The following DDI2 variants were observed in gnomAD, a reference collection of about 807,000 sequenced individuals.
DDI2 encodes the protein DDI proteasomal shuttling factor 2.
DDI2 carries 5 observed loss-of-function variants against 48.1 expected under a neutral mutation model. The observed-to-expected ratio is 0.10, with a 90% CI of 0.05 to 0.22. DDI2 has a LOEUF of 0.22. Ranked by LOEUF, DDI2 falls within the 10% of genes least tolerant of loss-of-function variation. The pLI is 1.00. For missense variants in DDI2, 285 were observed against 506.2 expected (o/e 0.56, Z 4.19); for synonymous variants, 205 against 183.6 (o/e 1.12, Z -0.94).
Position 15,661,683 on chromosome 1 carries a change from T to A in DDI2, c.*1893T>A. Reference sequence around the variant, plus strand: ...TTGGTGGGAATGCAGACCTTGCACTTCTTGTTTTGCTCGCAAAAAACATCG... The same window carrying A: ...TTGGTGGGAATGCAGACCTTGCACTACTTGTTTTGCTCGCAAAAAACATCG... On this transcript the variant is annotated 3_prime_UTR_variant, in exon 10 of 10. Transcript: ENST00000480945. 1 of 1,613,160 alleles carries A rather than the reference T, an allele frequency of 6.2e-7. No homozygotes were observed. Among genetic ancestry groups the A allele is most frequent in the Non-Finnish European group, 8.5e-7 (1 of 1,179,336 alleles).
Position 15,661,713 on chromosome 1 carries a change from T to C in DDI2, c.*1923T>C, listed in dbSNP as rs2148309405. 1.9e-6 allele frequency: 3 copies of C among 1,609,202 alleles called. No homozygotes were observed. The highest frequency in any genetic ancestry group is 2.5e-6 in the Non-Finnish European group (3 of 1,176,900). Reference sequence around the variant, plus strand: ...TTTTGCTCGCAAAAAACATCGTAGTTCCTACATGACTGTGGGAAAGTGGGC... The same window carrying C: ...TTTTGCTCGCAAAAAACATCGTAGTCCCTACATGACTGTGGGAAAGTGGGC... On this transcript the variant is annotated 3_prime_UTR_variant, in exon 10 of 10. Transcript: ENST00000480945.
rs1194708682 is a variant in DDI2 at position 15,660,741 on chromosome 1, A to G, written c.*951A>G. On this transcript the variant is annotated 3_prime_UTR_variant, in exon 10 of 10. Transcript: ENST00000480945. ...ATAATCCCTTGATGGAAGTAGAAAC[A>G]TCAAAATGTAACCCTTCATCTGAAA... The G allele has an allele frequency of 8.1e-6, 13 of 1,613,784 alleles. No homozygotes were observed. The highest frequency in any genetic ancestry group is 1.1e-5 in the Non-Finnish European group (13 of 1,179,962).
chr1:15,617,656 G>A lies in DDI2; in HGVS notation c.-15G>A. 1 of 1,429,816 alleles carries A rather than the reference G, an allele frequency of 7.0e-7. No homozygotes were observed. The highest frequency in any genetic ancestry group is 9.3e-7 in the Non-Finnish European group (1 of 1,078,992). The allele number at this position is 1,429,816 out of a possible 1,614,324, so 88.6% of individuals were successfully genotyped here. On this transcript the variant is annotated 5_prime_UTR_variant, in exon 1 of 10. Coordinates refer to ENST00000480945, the MANE Select transcript of DDI2 (RefSeq NM_032341.5). ...GGCCGGGCCGAGCCGAGCCGAGCCGGGTCGGGCCCGGGCCATGCTGCTCAC... is the reference window on the plus strand; with the variant it reads ...GGCCGGGCCGAGCCGAGCCGAGCCGAGTCGGGCCCGGGCCATGCTGCTCAC...
In DDI2 at chr1:15,661,842, A is replaced by T; in HGVS notation, c.*2052A>T. ...AGTATATATAGAAACCTGCAAGCAG[A>T]ATGTTGAGCCAGATTTTTTTTAAAG... On this transcript the variant is annotated 3_prime_UTR_variant, in exon 10 of 10. Coordinates refer to ENST00000480945, the MANE Select transcript of DDI2 (RefSeq NM_032341.5). 1 of 1,280,384 alleles carries T rather than the reference A, an allele frequency of 7.8e-7. No individual in the cohort carries two copies. The allele number at this position is 1,280,384 out of a possible 1,614,324, so 79.3% of individuals were successfully genotyped here.
rs190576412 is a variant in DDI2, at chr1:15,661,130, C to G, written c.*1340C>G. The G allele has an allele frequency of 2.5e-6, 4 of 1,613,986 alleles. No individual in the cohort carries two copies. Among genetic ancestry groups the G allele is most frequent in the East Asian group, 2.2e-5 (1 of 44,890 alleles). On this transcript the variant is annotated 3_prime_UTR_variant, in exon 10 of 10. Coordinates refer to ENST00000480945, the MANE Select transcript of DDI2 (RefSeq NM_032341.5). ...CAAGTCTCCTTTCATCAGGCCATAT[C>G]TGTATCAGTGGAGACAGAAAAATTA...
At position 15,660,179 on chromosome 1, in the gene DDI2, T is replaced by G. The variant is rs751616973; in HGVS notation, c.*389T>G. ...CCTATGCAGAATTCATCCGAAGAAA[T>G]AACTGTTGCAGGTAATCTGGAGAAA... On this transcript the variant is annotated 3_prime_UTR_variant, in exon 10 of 10. Transcript: ENST00000480945. The G allele has an allele frequency of 6.2e-7, 1 of 1,614,184 alleles. No individual in the cohort carries two copies. Among genetic ancestry groups the G allele is most frequent in the East Asian group, 2.2e-5 (1 of 44,886 alleles).
At chr1:15,651,288 AC>A (rs1257668530) in intron 7 of DDI2, among the ~76,000 whole-genome samples, 2 of 152,250 alleles carry the variant, frequency 1.3e-5, no homozygotes, top group Non-Finnish European at 2.9e-5. Flanking sequence ...ATATATGTGC[AC>A]AACTGTCTAT....
intron 6 of DDI2, among the ~76,000 whole-genome samples, chr1:15,644,788 T>C (rs946322516): frequency 1.7e-4 from 26 of 151,788 alleles, no homozygotes; most frequent in Non-Finnish European, 2.8e-4. Context: ...AGAGACGGGG[T>C]TTCACCGTGT....
Position 15,638,373 on chromosome 1 carries a change from A to G in DDI2, c.699A>G (p.Val233=). 4.3e-6 allele frequency: 7 copies of G among 1,614,030 alleles called. No individual in the cohort carries two copies. The highest frequency in any genetic ancestry group is 5.9e-6 in the Non-Finnish European group (7 of 1,179,964). Residue 233 remains valine, a synonymous_variant, in exon 5 of 10, where the codon GTA becomes GTG. Transcript: ENST00000480945. ...AGGCTCCGGAAAGTTTTGGCCAAGTAGTGATGCTTTATATTAACTGCAAAG... is the reference window on the plus strand; with the variant it reads ...AGGCTCCGGAAAGTTTTGGCCAAGTGGTGATGCTTTATATTAACTGCAAAG... ...MEEAPESFGQ[V]VMLYINCKVN... is the part of the protein sequence containing the mutation.
At position 15,661,509 on chromosome 1, in the gene DDI2, G is replaced by T. The variant is rs753851310; in HGVS notation, c.*1719G>T. 3.1e-6 allele frequency: 5 copies of T among 1,614,076 alleles called. No homozygotes were observed. Among genetic ancestry groups the T allele is most frequent in the Non-Finnish European group, 4.2e-6 (5 of 1,180,004 alleles). ...GAGAAAATGTCTGTCCTGATGCTTC[G>T]AGGCCATTACTTGAATATGAACCAC... is the stretch of plus-strand genomic sequence containing the variant. On this transcript the variant is annotated 3_prime_UTR_variant, in exon 10 of 10. Coordinates refer to ENST00000480945, the MANE Select transcript of DDI2 (RefSeq NM_032341.5).
At chr1:15,656,795 A>G (rs543248470) in intron 9 of DDI2, 116 bp downstream of exon 9, 126 of 1,455,782 alleles carry the variant, frequency 8.7e-5, no homozygotes, top group Non-Finnish European at 1.1e-4. Flanking sequence ...ACCTTGTTCA[A>G]TCTGGTTACA....
intron 3 of DDI2, among the ~76,000 whole-genome samples, chr1:15,631,809 G>T (rs1240076976): frequency 4.8e-5 from 7 of 146,524 alleles, no homozygotes; most frequent in Non-Finnish European, 7.6e-5. Flanking sequence ...GTTAGGCTTT[G>T]TTTTTTTTTT....
chr1:15,643,531 T>C lies in DDI2; in HGVS notation c.770T>C (p.Met257Thr), dbSNP rs1477574744. 2 of 1,613,044 alleles carry C rather than the reference T, an allele frequency of 1.2e-6. No homozygotes were observed. The highest frequency in any genetic ancestry group is 1.7e-6 in the Non-Finnish European group (2 of 1,179,734). Residue 257 changes from methionine to threonine, a missense_variant, in exon 6 of 10, where the codon ATG becomes ACG. Physicochemically the swap from Met to Thr is moderately conservative, Grantham distance 81. Transcript: ENST00000480945. ...TTCTCTACTCCTCCAGGTGCCCAGA[T>C]GACTATCATGAGCCAAGCTTGTGCA... ...VKAFVDSGAQ[M>T]TIMSQACAER...
At chr1:15,641,816 A>C (rs2103472157) in intron 5 of DDI2, among the ~76,000 whole-genome samples, 2 of 151,942 alleles carry the variant, frequency 1.3e-5, no homozygotes, top group Admixed American at 1.3e-4. Context: ...ATAGCCGGGC[A>C]TGGTGGCACT....
intron 4 of DDI2, chr1:15,633,891 A>G (rs1056887891): frequency 4.5e-6 from 2 of 446,580 alleles, no homozygotes; most frequent in African/African-American, 2.0e-5. Context: ...TGAGACCACA[A>G]GGCTGGTTGC....
intron 9 of DDI2, among the ~76,000 whole-genome samples, chr1:15,658,893 TAGC>T (rs1414329617): frequency 2.0e-5 from 3 of 152,212 alleles, no homozygotes; most frequent in Non-Finnish European, 4.4e-5. Context: ...TGGTCTAAGG[TAGC>T]AGTGAATCTA....
chr1:15,651,471 A>G (rs1486529692), intron 7 of DDI2, among the ~76,000 whole-genome samples: 1 of 152,094 alleles, frequency 6.6e-6, no homozygotes, highest in Non-Finnish European at 1.5e-5. Context: ...GGCATGTGCC[A>G]CCACGCCTGG....
Position 15,663,278 on chromosome 1 carries a change from G to A in DDI2, c.*3488G>A, listed in dbSNP as rs1640407175. ...TTGTTTCATCAAATTTTAAGTCATTGAGCACAATCAAAATGGAGGCTCATA... is the reference window on the plus strand; with the variant it reads ...TTGTTTCATCAAATTTTAAGTCATTAAGCACAATCAAAATGGAGGCTCATA... On this transcript the variant is annotated 3_prime_UTR_variant, in exon 10 of 10. Coordinates refer to ENST00000480945, the MANE Select transcript of DDI2 (RefSeq NM_032341.5). 1 of 152,182 alleles carries A rather than the reference G, an allele frequency of 6.6e-6. No homozygotes were observed. Among genetic ancestry groups the A allele is most frequent in the Non-Finnish European group, 1.5e-5 (1 of 68,026 alleles). 9.4% of individuals were successfully genotyped at this position (152,182 alleles called of 1,614,324 possible).
intron 3 of DDI2, among the ~76,000 whole-genome samples, chr1:15,632,936 A>G (rs868206568): frequency 8.2e-6 from 1 of 122,290 alleles, no homozygotes; most frequent in African/African-American, 3.2e-5. Context: ...TTTTTTAAAA[A>G]AAAAAAAACA....
Sources: gnomAD v4.1 joint callset for allele counts (sites outside exome capture counted in the v4.1 genomes callset) on GRCh38, gnomAD v4.1.1 for gene constraint, MANE v1.5 for transcripts, NCBI Gene and HGNC (gene_info 2026-07-23, HGNC 2026-07-21) for gene names.